The following ATP2B1 variants were observed in gnomAD, a reference collection of about 807,000 sequenced individuals.
ATP2B1 encodes the protein plasma membrane calcium-transporting ATPase 1.
ATP2B1 carries 14 observed loss-of-function variants against 124.2 expected under a neutral mutation model. The observed-to-expected ratio is 0.11, with a 90% CI of 0.07 to 0.18. The LOEUF is 0.18. ATP2B1 is among the 10% of genes least tolerant of loss of function. The probability of loss-of-function intolerance (pLI) is 1.00; values close to 1 mark genes in which losing one functional copy is unlikely to be tolerated. For synonymous variants in ATP2B1, 449 were observed against 492.4 expected (o/e 0.91, Z 1.17); for missense variants, 763 against 1,466.1 (o/e 0.52, Z 7.83).
chr12:89,665,189 C>G (rs978528429), intron 1 of ATP2B1, among the ~76,000 whole-genome samples: 1 of 152,158 alleles, frequency 6.6e-6, no homozygotes, highest in South Asian at 2.1e-4. Context: ...AAAAATATTA[C>G]TTGAGTTGAT....
At chr12:89,596,145 A>G (rs967499006) in intron 20 of ATP2B1, among the ~76,000 whole-genome samples, 6 of 152,150 alleles carry the variant, frequency 3.9e-5, no homozygotes, top group Admixed American at 3.9e-4. Flanking sequence ...AAATATAATA[A>G]GTATAGTACA....
chr12:89,613,443 C>G (rs963745445), intron 12 of ATP2B1, among the ~76,000 whole-genome samples: 1 of 152,276 alleles, frequency 6.6e-6, no homozygotes, highest in South Asian at 2.1e-4. Flanking sequence ...TGCATTTACT[C>G]AAACTAATAT....
intron 1 of ATP2B1, among the ~76,000 whole-genome samples, chr12:89,698,204 T>C (rs1488488603): frequency 6.6e-6 from 1 of 152,116 alleles, no homozygotes; most frequent in Non-Finnish European, 1.5e-5. Flanking sequence ...TATAAAGAAA[T>C]TACAACTCGA....
At chr12:89,607,782 C>A (rs1877208089) in intron 15 of ATP2B1, among the ~76,000 whole-genome samples, 1 of 152,048 alleles carries the variant, frequency 6.6e-6, no homozygotes, top group Non-Finnish European at 1.5e-5. Context: ...GGAATCATGA[C>A]AAGAAAAAGT....
At chr12:89,638,089 G>T (rs1484735127) in intron 3 of ATP2B1, among the ~76,000 whole-genome samples, 1 of 152,012 alleles carries the variant, frequency 6.6e-6, no homozygotes, top group African/African-American at 2.4e-5. Context: ...AATTTTTAGA[G>T]AAGTTATAGG....
At chr12:89,636,631 T>C (rs1882754868) in intron 3 of ATP2B1, among the ~76,000 whole-genome samples, 1 of 152,040 alleles carries the variant, frequency 6.6e-6, no homozygotes, top group East Asian at 1.9e-4. Context: ...GAGTACAGAC[T>C]GAAGAAAAAA....
At chr12:89,642,829 T>G (rs1323365580) in intron 2 of ATP2B1, among the ~76,000 whole-genome samples, 1 of 147,514 alleles carries the variant, frequency 6.8e-6, no homozygotes, top group Non-Finnish European at 1.5e-5. Flanking sequence ...GGTCTTGAAC[T>G]CCTGACCTAA....
intron 9 of ATP2B1, among the ~76,000 whole-genome samples, chr12:89,623,106 C>A (rs1880278094): frequency 6.6e-6 from 1 of 151,776 alleles, no homozygotes; most frequent in African/African-American, 2.4e-5. Context: ...TGTTAAATGC[C>A]TGAAAAGAAA....
intron 1 of ATP2B1, among the ~76,000 whole-genome samples, chr12:89,660,408 A>G (rs142838640): frequency 6.6e-6 from 1 of 152,212 alleles, no homozygotes. Flanking sequence ...CAAATATGGC[A>G]TATAAGAAAT....
At chr12:89,671,002 G>A (rs1336378758) in intron 1 of ATP2B1, among the ~76,000 whole-genome samples, 2 of 149,732 alleles carry the variant, frequency 1.3e-5, no homozygotes, top group Admixed American at 6.7e-5. Flanking sequence ...AACTGACTTG[G>A]AATAGGAACT....
In ATP2B1 at chr12:89,651,746, G is replaced by GT. The variant is rs1399910534; in HGVS notation, c.208+3932dup. Among the ~76,000 whole-genome samples the GT allele has an allele frequency of 3.3e-5, 5 of 152,182 alleles. No individual in the cohort carries two copies. In the East Asian group the frequency reaches 9.6e-4, roughly 29 times the overall value. Reference sequence around the variant, plus strand: ...TACAAGCTATGTGAACTGAACTTTTGTAACAGGTAACATACAATGCAGTGG... The same window carrying GT: ...TACAAGCTATGTGAACTGAACTTTTGTTAACAGGTAACATACAATGCAGTGG... On this transcript the variant is annotated intron_variant, in intron 2 of 20. Transcript: ENST00000428670.
chr12:89,592,584 G>C (rs1436298504), intron 20 of ATP2B1, among the ~76,000 whole-genome samples: 2 of 151,966 alleles, frequency 1.3e-5, no homozygotes, highest in Non-Finnish European at 2.9e-5. Flanking sequence ...CCTTTATATA[G>C]AGAGTACAGC....
At chr12:89,594,678 A>C (rs999779567) in intron 20 of ATP2B1, 4 of 151,876 alleles carry the variant, frequency 2.6e-5, no homozygotes, top group African/African-American at 9.7e-5. Context: ...AATTTTAAGA[A>C]ACTGAAAATG....
intron 1 of ATP2B1, among the ~76,000 whole-genome samples, chr12:89,682,233 A>G (rs1432904186): frequency 6.6e-6 from 1 of 152,198 alleles, no homozygotes; most frequent in African/African-American, 2.4e-5. Flanking sequence ...ATAACATGGT[A>G]GACTTAAACA....
At chr12:89,689,523 T>C (rs1217491937) in intron 1 of ATP2B1, among the ~76,000 whole-genome samples, 1 of 152,140 alleles carries the variant, frequency 6.6e-6, no homozygotes, top group African/African-American at 2.4e-5. Context: ...CCATCTGGCC[T>C]GCCTTTCTGG....
In ATP2B1 at chr12:89,603,479, G is replaced by A. The variant is rs906793535; in HGVS notation, c.2849-225C>T. 5 of 631,762 alleles carry A rather than the reference G, an allele frequency of 7.9e-6. No individual in the cohort carries two copies. The African/African-American group carries it at 9.2e-5, about 12-fold the overall frequency. The allele number at this position is 631,762 out of a possible 1,614,324, so 39.1% of individuals were successfully genotyped here. A position where few individuals can be genotyped will look rare whatever the true frequency, so the allele number is the denominator to read the frequency against. On this transcript the variant is annotated intron_variant, in intron 17 of 20. Transcript: ENST00000428670. This position sits in a 1 kb window ranked among gnomAD's most constrained non-coding sequence, Gnocchi z 4.3. Reference sequence around the variant, plus strand: ...ATCTCAGGATCACATATCTAAATTAGTGGAGAGCCAGGGTAAGACATCAGG... The same window carrying A: ...ATCTCAGGATCACATATCTAAATTAATGGAGAGCCAGGGTAAGACATCAGG...
intron 20 of ATP2B1, among the ~76,000 whole-genome samples, chr12:89,593,113 TAA>T (rs1873903995): frequency 6.6e-6 from 1 of 152,072 alleles, no homozygotes; most frequent in East Asian, 1.9e-4. Context: ...TACTAAGATG[TAA>T]AGTGTTCTAC....
chr12:89,645,698 C>T (rs1884341528), intron 2 of ATP2B1, among the ~76,000 whole-genome samples: 1 of 152,162 alleles, frequency 6.6e-6, no homozygotes, highest in Non-Finnish European at 1.5e-5. Flanking sequence ...AGCAAAGCCA[C>T]TGTAGTAAAA....
rs776547245 is a variant in ATP2B1, at chr12:89,626,559, C to T, written c.1024G>A (p.Gly342Arg). Residue 342 changes from glycine (G) to arginine (R), a missense_variant, in exon 8 of 21, where the codon GGA becomes AGA. Gly to Arg is a moderately radical substitution (Grantham distance 125). Transcript: ENST00000428670. Reference sequence around the variant, plus strand: ...TTTTTATCTTTTTCATCACCATCTCCACCTTCTTCACTCTTCAATGGCTGC... The same window carrying T: ...TTTTTATCTTTTTCATCACCATCTCTACCTTCTTCACTCTTCAATGGCTGC... ...EMQPLKSEEG[G>R]DGDEKDKKKA... 5.6e-6 allele frequency: 9 copies of T among 1,613,318 alleles called. No individual in the cohort carries two copies. The African/African-American group carries it at 9.4e-5, about 17-fold the overall frequency.
Sources: gnomAD v4.1 joint callset for allele counts (sites outside exome capture counted in the v4.1 genomes callset) on GRCh38, gnomAD v4.1.1 for gene constraint, Gnocchi (gnomAD v3.1) non-coding constraint, MANE v1.5 for transcripts, NCBI Gene and HGNC (gene_info 2026-07-23, HGNC 2026-07-21) for gene names.